The following MPDZ variants were observed in gnomAD, a reference collection of about 807,000 sequenced individuals.
MPDZ encodes the protein multiple PDZ domain crumbs cell polarity complex component.
Under a neutral mutation model 239.1 loss-of-function variants are expected in MPDZ, and 234 were observed. That is an observed-to-expected ratio of 0.98 (90% CI 0.88 to 1.09). The LOEUF (loss-of-function observed/expected upper bound fraction) is 1.09, where lower values mean the gene tolerates loss of function less well. Ranked by LOEUF, MPDZ falls within the 50% of genes least tolerant of loss-of-function variation. MPDZ has a pLI of 0.00. For synonymous variants in MPDZ, 1,048 were observed against 881.3 expected, an observed-to-expected ratio of 1.19 and a Z score of -3.35; for missense variants, 3,175 against 2,510.0, an observed-to-expected ratio of 1.26 and a Z score of -5.66.
intron 21 of MPDZ, among the ~76,000 whole-genome samples, chr9:13,169,103 G>A (rs373356678): frequency 6.6e-6 from 1 of 152,132 alleles, no homozygotes; most frequent in East Asian, 1.9e-4. Flanking sequence ...ACATCAAGAA[G>A]CCTGTATTGA....
chr9:13,252,137 G>C (rs1487280232), intron 1 of MPDZ, among the ~76,000 whole-genome samples: 1 of 151,952 alleles, frequency 6.6e-6, no homozygotes, highest in Non-Finnish European at 1.5e-5. Flanking sequence ...TATTTCATGA[G>C]GCCTAATATA....
intron 21 of MPDZ, among the ~76,000 whole-genome samples, chr9:13,170,469 T>C (rs1260863089): frequency 6.6e-6 from 1 of 152,178 alleles, no homozygotes; most frequent in African/African-American, 2.4e-5. Flanking sequence ...AACAATAAGA[T>C]ACCGTTTCGG....
chr9:13,208,556 A>G (rs974183534), intron 10 of MPDZ, among the ~76,000 whole-genome samples: 2 of 151,648 alleles, frequency 1.3e-5, no homozygotes, highest in Admixed American at 1.3e-4. Flanking sequence ...CTAAATAAAC[A>G]TTTTAAAAAC....
rs1383641103 is a variant in MPDZ at position 13,205,901 on chromosome 9, T to C, written c.1474+15A>G. 2 of 1,552,268 alleles carry C rather than the reference T, an allele frequency of 1.3e-6. No individual in the cohort carries two copies. Among genetic ancestry groups the C allele is most frequent in the Admixed American group, 2.0e-5 (1 of 49,130 alleles). On this transcript the variant is annotated intron_variant, in intron 11 of 46. Coordinates refer to ENST00000319217, the MANE Select transcript of MPDZ (RefSeq NM_001378778.1). ...TATAAAGGTCTAACTAAAAACCAGATTAACATAGGATTACCTTTGATTATG... is the reference window on the plus strand; with the variant it reads ...TATAAAGGTCTAACTAAAAACCAGACTAACATAGGATTACCTTTGATTATG...
In MPDZ at chr9:13,275,384, A is replaced by G. The variant is rs147351497; in HGVS notation, c.-58+4016T>C. 5.9e-5 allele frequency among the ~76,000 whole-genome samples: 9 copies of G among 152,348 alleles called. No homozygotes were observed. In the East Asian group the frequency reaches 1.7e-3, roughly 29 times the overall value. ...AACAGGGAGAACTCAGCCATCTACA[A>G]GCCAAAGAGCGAGGCTTGGTAGAAA... On this transcript the variant is annotated intron_variant, in intron 1 of 46. Transcript: ENST00000319217.
intron 17 of MPDZ, 76 bp from the exon 18 acceptor site, chr9:13,186,462 G>C: frequency 9.3e-7 from 1 of 1,069,646 alleles, no homozygotes; most frequent in Non-Finnish European, 1.4e-6. Flanking sequence ...GAAGAGTAAA[G>C]GTAGGAAAAG....
chr9:13,259,674 G>GC (rs1418687125), intron 1 of MPDZ, among the ~76,000 whole-genome samples: 3 of 152,094 alleles, frequency 2.0e-5, no homozygotes, highest in Admixed American at 2.0e-4. Flanking sequence ...CCACATAAAT[G>GC]CAAGAGTGCA....
In MPDZ at chr9:13,119,483, T is replaced by G; in HGVS notation, c.5379+19A>C. Reference sequence around the variant, plus strand: ...TTTCTTCTACGCTATTACACAGAATTATTTTTTGCATTTTTTACCTTTAGC... The same window carrying G: ...TTTCTTCTACGCTATTACACAGAATGATTTTTTGCATTTTTTACCTTTAGC... On this transcript the variant is annotated intron_variant, in intron 39 of 46. Transcript: ENST00000319217. 6.2e-7 allele frequency: 1 copy of G among 1,604,474 alleles called. No homozygotes were observed. Among genetic ancestry groups the G allele is most frequent in the South Asian group, 1.1e-5 (1 of 89,358 alleles).
At position 13,155,301 on chromosome 9, in the gene MPDZ, C is replaced by T. The variant is rs146200952; in HGVS notation, c.3452+2717G>A. 2.6e-3 allele frequency among the ~76,000 whole-genome samples: 401 copies of T among 152,182 alleles called. 4 individuals are homozygous for T. The highest frequency in any genetic ancestry group is 8.7e-3 in the African/African-American group (362 of 41,512). On this transcript the variant is annotated intron_variant, in intron 24 of 46. Transcript: ENST00000319217. ...TAAAAAATGCATATAAACTTACAGG[C>T]CAGCAATTCCAATTCCACTTCTGGA...
intron 3 of MPDZ, among the ~76,000 whole-genome samples, chr9:13,231,132 T>C (rs1013818956): frequency 1.3e-5 from 2 of 151,926 alleles, no homozygotes; most frequent in Non-Finnish European, 2.9e-5. Flanking sequence ...CTGATTAATA[T>C]AGCAAACATA....
chr9:13,270,232 C>T (rs902030600), intron 1 of MPDZ, among the ~76,000 whole-genome samples: 1 of 152,198 alleles, frequency 6.6e-6, no homozygotes, highest in South Asian at 2.1e-4. Flanking sequence ...GAAAGGACAT[C>T]TGCTTTAAAT....
intron 3 of MPDZ, among the ~76,000 whole-genome samples, chr9:13,231,466 T>C (rs777899217): frequency 2.0e-4 from 30 of 151,970 alleles, no homozygotes; most frequent in African/African-American, 4.6e-4. Flanking sequence ...ACTTGGGAGG[T>C]TGAAGCACGA....
intron 1 of MPDZ, among the ~76,000 whole-genome samples, chr9:13,268,788 G>A (rs957517773): frequency 1.3e-5 from 2 of 152,212 alleles, no homozygotes; most frequent in African/African-American, 2.4e-5. Flanking sequence ...CAGTACTTGG[G>A]TCCAGAATGA....
intron 39 of MPDZ, among the ~76,000 whole-genome samples, chr9:13,118,048 T>A (rs1943759715): frequency 6.6e-6 from 1 of 152,012 alleles, no homozygotes; most frequent in African/African-American, 2.4e-5. Context: ...TTCTCCAGGT[T>A]GGTCAAGCTG....
intron 28 of MPDZ, among the ~76,000 whole-genome samples, chr9:13,139,369 CCCTATTGGT>C (rs1947305041): frequency 6.6e-6 from 1 of 152,144 alleles, no homozygotes; most frequent in Non-Finnish European, 1.5e-5. Context: ...AAGAGAGACT[CCCTATTGGT>C]CCTAATAACA....
In MPDZ at chr9:13,114,039, T is replaced by C. The variant is rs754089541; in HGVS notation, c.5467-18A>G. 3.4e-5 allele frequency: 53 copies of C among 1,563,582 alleles called. No homozygotes were observed. In the Middle Eastern group the frequency reaches 6.6e-4, roughly 20 times the overall value. ...TCACTCACCTACAAATATACAACAA[T>C]TATTTCAGAAGGTTTTGCAAGTAAC... On this transcript the variant is annotated intron_variant, in intron 40 of 46. Transcript: ENST00000319217.
At chr9:13,171,837 C>T (rs1951820530) in intron 21 of MPDZ, among the ~76,000 whole-genome samples, 1 of 152,094 alleles carries the variant, frequency 6.6e-6, no homozygotes, top group South Asian at 2.1e-4. Context: ...AAAGCTAAAA[C>T]TGCAAACAAC....
intron 35 of MPDZ, among the ~76,000 whole-genome samples, chr9:13,124,059 G>A: frequency 6.6e-6 from 1 of 152,180 alleles, no homozygotes; most frequent in East Asian, 1.9e-4. Context: ...CAAATAGCAT[G>A]TTTTGGGAAA....
chr9:13,239,899 T>C (rs1964967323), intron 3 of MPDZ, among the ~76,000 whole-genome samples: 1 of 152,130 alleles, frequency 6.6e-6, no homozygotes, highest in African/African-American at 2.4e-5. Context: ...ACAGAATGTC[T>C]TTTCTTTATT....
Sources: gnomAD v4.1 joint callset for allele counts (sites outside exome capture counted in the v4.1 genomes callset) on GRCh38, gnomAD v4.1.1 for gene constraint, MANE v1.5 for transcripts, NCBI Gene and HGNC (gene_info 2026-07-23, HGNC 2026-07-21) for gene names.